CSMD1: variants seen among roughly 807,000 people sequenced by gnomAD.
The protein encoded by CSMD1 is CUB and sushi domain-containing protein 1.
CSMD1 carries 213 observed loss-of-function variants against 417.5 expected under a neutral mutation model. The ratio of observed to expected loss-of-function variants is 0.51; its 90% CI spans 0.46 to 0.57. CSMD1 has a LOEUF of 0.57. Among genes scored for constraint, CSMD1 ranks in the 20% least tolerant of loss-of-function variants. The pLI is 0.00. For missense variants in CSMD1, 6,923 were observed against 4,529.7 expected (o/e 1.53, Z -15.17); for synonymous variants, 2,862 against 1,736.8 (o/e 1.65, Z -16.11).
chr8:3,806,776 G>A (rs1489139688), intron 5 of CSMD1, among the ~76,000 whole-genome samples: 2 of 152,180 alleles, frequency 1.3e-5, no homozygotes, highest in Non-Finnish European at 2.9e-5. Flanking sequence ...AATGTTAGTT[G>A]TTTTAGCTAC....
At chr8:3,774,953 G>C (rs1331423717) in intron 5 of CSMD1, among the ~76,000 whole-genome samples, 1 of 151,984 alleles carries the variant, frequency 6.6e-6, no homozygotes, top group Non-Finnish European at 1.5e-5. Flanking sequence ...CGGGAAACAG[G>C]TAGCATATAC....
chr8:4,079,548 A>G (rs1324343654), intron 3 of CSMD1, among the ~76,000 whole-genome samples: 1 of 152,240 alleles, frequency 6.6e-6, no homozygotes, highest in African/African-American at 2.4e-5. Flanking sequence ...AACACTGAAG[A>G]TATTTATTGA....
intron 5 of CSMD1, among the ~76,000 whole-genome samples, chr8:3,756,045 G>A (rs1179746949): frequency 6.6e-6 from 1 of 152,038 alleles, no homozygotes; most frequent in Non-Finnish European, 1.5e-5. Context: ...TGTACTTACT[G>A]AACTTACAGG....
At chr8:4,002,302 C>G (rs918314902) in intron 4 of CSMD1, among the ~76,000 whole-genome samples, 3 of 152,078 alleles carry the variant, frequency 2.0e-5, no homozygotes, top group Non-Finnish European at 4.4e-5. Context: ...GTAAGTACTT[C>G]TCTAACAAAA....
chr8:4,351,613 G>A (rs530791662), intron 3 of CSMD1, among the ~76,000 whole-genome samples: 3 of 152,216 alleles, frequency 2.0e-5, no homozygotes, highest in Non-Finnish European at 2.9e-5. Flanking sequence ...TCAACTTGTT[G>A]TGGGAGTGAG....
At chr8:4,785,779 A>C (rs2117209074) in intron 1 of CSMD1, among the ~76,000 whole-genome samples, 1 of 152,278 alleles carries the variant, frequency 6.6e-6, no homozygotes, top group African/African-American at 2.4e-5. Flanking sequence ...TCTCCCGGGA[A>C]CCTTATAAGA....
chr8:4,738,927 G>C (rs1004598262), intron 1 of CSMD1, among the ~76,000 whole-genome samples: 3 of 152,070 alleles, frequency 2.0e-5, no homozygotes, highest in African/African-American at 7.2e-5. Flanking sequence ...GTGTGTATGT[G>C]TTAGAAGGCA....
intron 43 of CSMD1, 50 bp from the exon 44 acceptor site, chr8:3,108,798 G>A (rs748801742): frequency 3.3e-6 from 5 of 1,537,530 alleles, no homozygotes; most frequent in Middle Eastern, 1.7e-4. Flanking sequence ...ACTTCTGAGT[G>A]AGATTTATGG....
chr8:3,924,183 T>A (rs1214275483), intron 5 of CSMD1, among the ~76,000 whole-genome samples: 1 of 152,208 alleles, frequency 6.6e-6, no homozygotes, highest in Admixed American at 6.5e-5. Context: ...TTGGCAGCTC[T>A]TTACTTTCAT....
At chr8:4,345,675 T>C (rs1800738337) in intron 3 of CSMD1, among the ~76,000 whole-genome samples, 1 of 152,124 alleles carries the variant, frequency 6.6e-6, no homozygotes, top group Non-Finnish European at 1.5e-5. Flanking sequence ...TTTCTCAAGA[T>C]ATGAAATGGC....
intron 1 of CSMD1, among the ~76,000 whole-genome samples, chr8:4,924,593 G>T (rs1045251151): frequency 6.6e-6 from 1 of 151,742 alleles, no homozygotes. Context: ...GTGGTGGCCC[G>T]TGCCTGTAAT....
In CSMD1 at chr8:3,396,754, T is replaced by A. The variant is rs569437391; in HGVS notation, c.2406-373A>T. ...TAGAAAAAACTCAATTATATATTTT[T>A]AAACTATTTTTACCATTCCCTATTT... is the stretch of plus-strand genomic sequence containing the variant. On this transcript the variant is annotated intron_variant, in intron 16 of 69. Coordinates refer to ENST00000635120, the MANE Select transcript of CSMD1 (RefSeq NM_033225.6). Among the ~76,000 whole-genome samples, 5 of 152,298 alleles carry A rather than the reference T, an allele frequency of 3.3e-5. No individual in the cohort carries two copies. In the South Asian group the frequency reaches 1.0e-3, roughly 32 times the overall value.
At chr8:3,434,790 G>C (rs1400918478) in intron 12 of CSMD1, among the ~76,000 whole-genome samples, 2 of 152,180 alleles carry the variant, frequency 1.3e-5, no homozygotes, top group African/African-American at 4.8e-5. Context: ...GGAACAGACA[G>C]TTCCTTACAC....
intron 10 of CSMD1, among the ~76,000 whole-genome samples, chr8:3,561,591 G>A (rs1055368768): frequency 2.6e-5 from 4 of 152,222 alleles, no homozygotes; most frequent in African/African-American, 9.6e-5. Flanking sequence ...TGGAGATAAG[G>A]ATGGCAACAA....
intron 6 of CSMD1, among the ~76,000 whole-genome samples, chr8:3,722,172 G>A (rs887040959): frequency 2.6e-5 from 4 of 152,126 alleles, no homozygotes; most frequent in Non-Finnish European, 4.4e-5. Flanking sequence ...AGCTGGGCAT[G>A]GTGGCTGGCA....
At chr8:4,927,175 C>G (rs2117173078) in intron 1 of CSMD1, among the ~76,000 whole-genome samples, 1 of 151,282 alleles carries the variant, frequency 6.6e-6, no homozygotes, top group African/African-American at 2.4e-5. Context: ...GGCACAATCT[C>G]AGCTCAGGGC....
chr8:4,206,533 G>A (rs940524484), intron 3 of CSMD1, among the ~76,000 whole-genome samples: 4 of 152,108 alleles, frequency 2.6e-5, no homozygotes, highest in African/African-American at 9.7e-5. Flanking sequence ...TTTTATGGCT[G>A]CCTAGTATTC....
At chr8:3,568,022 A>T (rs915135591) in intron 10 of CSMD1, among the ~76,000 whole-genome samples, 2 of 152,202 alleles carry the variant, frequency 1.3e-5, no homozygotes, top group Admixed American at 6.5e-5. Flanking sequence ...GTTGGTACTG[A>T]CAGAAGCCAC....
intron 5 of CSMD1, among the ~76,000 whole-genome samples, chr8:3,952,443 A>G (rs1418068221): frequency 6.6e-6 from 1 of 152,234 alleles, no homozygotes; most frequent in South Asian, 2.1e-4. Flanking sequence ...TATTTTCATA[A>G]ATTAATTGAT....
Sources: allele counts gnomAD v4.1 joint callset (sites outside exome capture counted in the v4.1 genomes callset), GRCh38; gene constraint gnomAD v4.1.1; transcripts MANE v1.5; gene names NCBI Gene and HGNC (gene_info 2026-07-23, HGNC 2026-07-21).